The following BCL9 variants were observed in gnomAD, a reference collection of about 807,000 sequenced individuals.
The protein encoded by BCL9 is BCL9 transcription coactivator.
Under a neutral mutation model 88.5 loss-of-function variants are expected in BCL9, and 25 were observed. The observed-to-expected ratio is 0.28, with a 90% CI of 0.21 to 0.39. The LOEUF is 0.39. Ranked by LOEUF, BCL9 falls within the 10% of genes least tolerant of loss-of-function variation. The pLI is 1.00. For missense variants in BCL9, 1,817 were observed against 1,877.8 expected, an observed-to-expected ratio of 0.97 and a Z score of 0.60; for synonymous variants, 711 against 673.3, an observed-to-expected ratio of 1.06 and a Z score of -0.87.
intron 3 of BCL9, among the ~76,000 whole-genome samples, chr1:147,607,899 C>G (rs1014669097): frequency 1.3e-5 from 2 of 152,090 alleles, no homozygotes; most frequent in Admixed American, 1.3e-4. Flanking sequence ...AATGGACCTG[C>G]AAATTTGGGA....
intron 1 of BCL9, among the ~76,000 whole-genome samples, chr1:147,554,144 C>A (rs2101479956): frequency 6.6e-6 from 1 of 152,288 alleles, no homozygotes; most frequent in Non-Finnish European, 1.5e-5. Flanking sequence ...ATATAGTGTG[C>A]ATAATTTGCC....
At chr1:147,569,863 A>G (rs994150360) in intron 1 of BCL9, among the ~76,000 whole-genome samples, 8 of 152,174 alleles carry the variant, frequency 5.3e-5, no homozygotes, top group Non-Finnish European at 1.0e-4. Context: ...GTGAGGGAGT[A>G]GAAAGAGTCT....
At chr1:147,596,687 C>A (rs112502046) in intron 1 of BCL9, among the ~76,000 whole-genome samples, 7 of 152,154 alleles carry the variant, frequency 4.6e-5, no homozygotes, top group African/African-American at 1.7e-4. Context: ...TGCTGGGATT[C>A]CAGGCGTGAG....
At chr1:147,568,575 T>G (rs936113792) in intron 1 of BCL9, among the ~76,000 whole-genome samples, 9 of 151,250 alleles carry the variant, frequency 6.0e-5, no homozygotes, top group Non-Finnish European at 1.2e-4. Flanking sequence ...CGAGGGGGAT[T>G]TTTTTTTTCT....
chr1:147,594,961 T>C (rs1553200310), intron 1 of BCL9, among the ~76,000 whole-genome samples: 1 of 151,942 alleles, frequency 6.6e-6, no homozygotes, highest in Non-Finnish European at 1.5e-5. Context: ...AAGCAAAGAG[T>C]AAGAAGCCAA....
At chr1:147,614,647 C>A in intron 6 of BCL9, 31 bp downstream of exon 6, 1 of 1,565,902 alleles carries the variant, frequency 6.4e-7, no homozygotes, top group Non-Finnish European at 8.7e-7. Context: ...TGCTGTTGGG[C>A]AGGGCTTGTC....
intron 1 of BCL9, among the ~76,000 whole-genome samples, chr1:147,549,856 C>T (rs1398126998): frequency 6.6e-6 from 1 of 152,182 alleles, no homozygotes; most frequent in Non-Finnish European, 1.5e-5. Flanking sequence ...TTGCTACTCA[C>T]TGCTTTGATC....
intron 1 of BCL9, among the ~76,000 whole-genome samples, chr1:147,542,062 G>A (rs587747791): frequency 1.3e-5 from 2 of 152,158 alleles, no homozygotes; most frequent in African/African-American, 4.8e-5. Context: ...GCTCCGAGCT[G>A]TGCATTCTCA....
chr1:147,559,668 G>A (rs1655282912), intron 1 of BCL9, among the ~76,000 whole-genome samples: 1 of 152,156 alleles, frequency 6.6e-6, no homozygotes, highest in South Asian at 2.1e-4. Flanking sequence ...GCAAGAGAGT[G>A]CTTTTGACCC....
chr1:147,605,650 C>T (rs1553201890), intron 2 of BCL9, among the ~76,000 whole-genome samples: 2 of 152,160 alleles, frequency 1.3e-5, no homozygotes. Context: ...TCTCTACATG[C>T]CCATTGCATA....
At chr1:147,586,972 A>G (rs1656631141) in intron 1 of BCL9, among the ~76,000 whole-genome samples, 1 of 151,772 alleles carries the variant, frequency 6.6e-6, no homozygotes, top group Non-Finnish European at 1.5e-5. Flanking sequence ...GGTTCTCAGC[A>G]TAGGCCCTTT....
intron 7 of BCL9, 99 bp downstream of exon 7, chr1:147,616,001 G>A: frequency 2.6e-6 from 3 of 1,160,254 alleles, no homozygotes; most frequent in Admixed American, 4.0e-5. Flanking sequence ...TAGTCTTGAT[G>A]GCATGAGTTG....
chr1:147,614,295 A>G (rs1658154142), intron 5 of BCL9, 132 bp from the exon 6 acceptor site: 1 of 808,804 alleles, frequency 1.2e-6, no homozygotes. Context: ...TTTTATAAGT[A>G]GAAGAGGTTT....
At position 147,614,506 on chromosome 1, in the gene BCL9, C is replaced by T. The variant is rs1408917061; in HGVS notation, c.450C>T (p.Ala150=). The part of the protein sequence containing the change: ...PHSMTPSNAT[A]PRSSTPSHGQ... Reference sequence around the variant, plus strand: ...CGATGACCCCATCAAATGCTACAGCCCCCAGGTCTTCTACCCCCTCCCATG... The same window carrying T: ...CGATGACCCCATCAAATGCTACAGCTCCCAGGTCTTCTACCCCCTCCCATG... The change falls in exon 6 of 10, where the codon GCC becomes GCT. Residue 150 remains alanine, a synonymous_variant. Coordinates refer to ENST00000234739, the MANE Select transcript of BCL9 (RefSeq NM_004326.4). The T allele has an allele frequency of 1.9e-6, 3 of 1,613,856 alleles. No individual in the cohort carries two copies. Among genetic ancestry groups the T allele is most frequent in the East Asian group, 2.2e-5 (1 of 44,878 alleles).
At chr1:147,568,482 G>GAAAAAAA (rs201771944) in intron 1 of BCL9, among the ~76,000 whole-genome samples, 1 of 148,642 alleles carries the variant, frequency 6.7e-6, no homozygotes, top group African/African-American at 2.5e-5. Flanking sequence ...AAGCAAAAAA[G>GAAAAAAA]AAAAAAAAAA....
intron 1 of BCL9, among the ~76,000 whole-genome samples, chr1:147,551,343 C>T (rs1654895582): frequency 6.6e-6 from 1 of 152,140 alleles, no homozygotes; most frequent in African/African-American, 2.4e-5. Context: ...TGAGTCAAGG[C>T]TCAGGTCTTG....
intron 1 of BCL9, among the ~76,000 whole-genome samples, chr1:147,577,872 A>G (rs1021983771): frequency 4.0e-4 from 36 of 90,582 alleles, no homozygotes; most frequent in Admixed American, 2.2e-3. Flanking sequence ...GTGTGTGTGT[A>G]TAAATGTCTT....
At chr1:147,548,410 C>G (rs1268122884) in intron 1 of BCL9, among the ~76,000 whole-genome samples, 1 of 152,170 alleles carries the variant, frequency 6.6e-6, no homozygotes, top group Non-Finnish European at 1.5e-5. Flanking sequence ...TTTGCCTTAT[C>G]TTTTCCAAGC....
chr1:147,618,690 A>G (rs933843261), intron 7 of BCL9, 126 bp from the exon 8 acceptor site: 26 of 1,003,690 alleles, frequency 2.6e-5, no homozygotes, highest in Non-Finnish European at 3.3e-5. Flanking sequence ...TACGTGAGCA[A>G]TTTCTACAGC....
Sources: allele counts gnomAD v4.1 joint callset (sites outside exome capture counted in the v4.1 genomes callset), GRCh38; gene constraint gnomAD v4.1.1; transcripts MANE v1.5; gene names NCBI Gene and HGNC (gene_info 2026-07-23, HGNC 2026-07-21).